The following DDX60 variants were observed in gnomAD, a reference collection of about 807,000 sequenced individuals.
The protein encoded by DDX60 is probable ATP-dependent RNA helicase DDX60.
DDX60 carries 165 observed loss-of-function variants against 212.8 expected under a neutral mutation model. That is an observed-to-expected ratio of 0.78 (90% CI 0.68 to 0.88). The LOEUF is 0.88. Among genes scored for constraint, DDX60 ranks in the 40% least tolerant of loss-of-function variants. The pLI is 0.00. For missense variants in DDX60, 1,905 were observed against 2,003.9 expected, an observed-to-expected ratio of 0.95 and a Z score of 0.94; for synonymous variants, 703 against 685.3, an observed-to-expected ratio of 1.03 and a Z score of -0.40.
chr4:168,220,968 C>A lies in DDX60; in HGVS notation c.4977-251G>T, dbSNP rs959493463. Among the ~76,000 whole-genome samples, 3 of 151,950 alleles carry A rather than the reference C, an allele frequency of 2.0e-5. No individual in the cohort carries two copies. The East Asian group carries it at 5.8e-4, about 29-fold the overall frequency. On this transcript the variant is annotated intron_variant, in intron 36 of 37. Coordinates refer to ENST00000393743, the MANE Select transcript of DDX60 (RefSeq NM_017631.6). Reference sequence around the variant, plus strand: ...GGAGGCTGGCCATCTCAGGAGATAACCAAAACAGGAAAATAAAGCTCAGGA... The same window carrying A: ...GGAGGCTGGCCATCTCAGGAGATAAACAAAACAGGAAAATAAAGCTCAGGA...
chr4:168,242,558 T>C (rs1733883500), intron 30 of DDX60, among the ~76,000 whole-genome samples: 1 of 152,234 alleles, frequency 6.6e-6, no homozygotes, highest in Non-Finnish European at 1.5e-5. Context: ...CACTGGATTT[T>C]GGACTTGCAT....
At chr4:168,291,971 T>C in intron 7 of DDX60, 65 bp from the exon 8 acceptor site, 1 of 1,211,436 alleles carries the variant, frequency 8.3e-7, no homozygotes, top group Non-Finnish European at 1.1e-6. Context: ...AATAAGCATC[T>C]AGGACCACAA....
upstream of DDX60, among the ~76,000 whole-genome samples, chr4:168,323,405 G>C (rs193203589): frequency 2.9e-4 from 44 of 152,310 alleles, no homozygotes; most frequent in Non-Finnish European, 2.2e-4. Flanking sequence ...GCATGTAGCA[G>C]TGGTGACACC....
chr4:168,283,569 T>C lies in DDX60; in HGVS notation c.1599A>G (p.Gln533=), dbSNP rs1305517940. ...SRDPRVLRSV[Q]KYHVFQRFYG... Reference sequence around the variant, plus strand: ...AAAACCGTTGGAAAACATGATACTTTTGCACAGATCTAAGAACACGAGGGT... The same window carrying C: ...AAAACCGTTGGAAAACATGATACTTCTGCACAGATCTAAGAACACGAGGGT... Residue 533 remains glutamine (Q), a synonymous_variant, in exon 13 of 38, where the codon CAA becomes CAG. Coordinates refer to ENST00000393743, the MANE Select transcript of DDX60 (RefSeq NM_017631.6). 6.2e-7 allele frequency: 1 copy of C among 1,613,324 alleles called. No homozygotes were observed. The highest frequency in any genetic ancestry group is 8.5e-7 in the Non-Finnish European group (1 of 1,179,598).
chr4:168,301,581 A>C (rs1736649092), intron 6 of DDX60, among the ~76,000 whole-genome samples: 1 of 143,036 alleles, frequency 7.0e-6, no homozygotes, highest in Non-Finnish European at 1.6e-5. Flanking sequence ...CCATACTGAC[A>C]TAAATAAACA....
At chr4:168,284,210 TC>T (rs1216532277) in intron 12 of DDX60, among the ~76,000 whole-genome samples, 1 of 152,150 alleles carries the variant, frequency 6.6e-6, no homozygotes, top group East Asian at 1.9e-4. Context: ...ATCTAAAGTA[TC>T]CCCCCACACC....
Position 168,293,960 on chromosome 4 carries a change from A to C in DDX60, c.724-15T>G, listed in dbSNP as rs1244961623. 6.2e-7 allele frequency: 1 copy of C among 1,601,038 alleles called. No homozygotes were observed. The highest frequency in any genetic ancestry group is 8.5e-7 in the Non-Finnish European group (1 of 1,176,378). ...GTCTTGTGTGCCTGTCAAAGAAAAA[A>C]ATTGTAATGTGTCATGCTATTTAGA... On this transcript the variant is annotated splice_polypyrimidine_tract_variant and intron_variant, in intron 6 of 37. Coordinates refer to ENST00000393743, the MANE Select transcript of DDX60 (RefSeq NM_017631.6).
At chr4:168,220,519 G>C (rs1026958156) in intron 37 of DDX60, 136 bp downstream of exon 37, 2 of 547,646 alleles carry the variant, frequency 3.7e-6, no homozygotes, top group Non-Finnish European at 6.5e-6. Context: ...AGAGCCTTTG[G>C]GGAGTTGAAA....
intron 27 of DDX60, among the ~76,000 whole-genome samples, chr4:168,251,479 C>CT (rs2149505267): frequency 6.6e-6 from 1 of 152,324 alleles, no homozygotes; most frequent in South Asian, 2.1e-4. Flanking sequence ...GAGGAGGTTC[C>CT]TTACCCTATG....
chr4:168,280,863 G>A (rs897403648), intron 13 of DDX60, among the ~76,000 whole-genome samples: 8 of 152,126 alleles, frequency 5.3e-5, no homozygotes, highest in African/African-American at 1.4e-4. Flanking sequence ...AATGTTGCTG[G>A]GCGTGGTGAA....
intron 30 of DDX60, among the ~76,000 whole-genome samples, chr4:168,239,375 AAGATAGATAGAT>A (rs60160375): frequency 0.022 from 3,228 of 148,870 alleles, 79 homozygotes; most frequent in African/African-American, 0.06. Context: ...TGATAGAAGG[AAGATAGATAGAT>A]AGATAGATAG....
upstream of DDX60, among the ~76,000 whole-genome samples, chr4:168,322,459 T>C (rs1470449716): frequency 6.6e-6 from 1 of 152,202 alleles, no homozygotes; most frequent in Non-Finnish European, 1.5e-5. Flanking sequence ...ATCTGGATTA[T>C]TGAAACAACC....
At chr4:168,268,079 A>G in intron 20 of DDX60, 96 bp from the exon 21 acceptor site, 1 of 1,100,842 alleles carries the variant, frequency 9.1e-7, no homozygotes, top group Non-Finnish European at 1.3e-6. Flanking sequence ...TCTTCCTTAT[A>G]AAGTGTACTT....
chr4:168,277,652 A>G (rs892179520), intron 14 of DDX60, among the ~76,000 whole-genome samples: 6 of 151,830 alleles, frequency 4.0e-5, no homozygotes, highest in African/African-American at 1.2e-4. Context: ...CCTGGCTAAC[A>G]TGGTGAATTA....
intron 3 of DDX60, among the ~76,000 whole-genome samples, chr4:168,309,465 G>T (rs761359309): frequency 2.0e-5 from 3 of 149,556 alleles, no homozygotes; most frequent in Non-Finnish European, 3.0e-5. Context: ...TGAAGGCATT[G>T]TTGCAGCAGT....
intron 4 of DDX60, among the ~76,000 whole-genome samples, chr4:168,307,597 C>G (rs1304382528): frequency 1.3e-5 from 2 of 152,104 alleles, no homozygotes; most frequent in Non-Finnish European, 2.9e-5. Flanking sequence ...GCATGCACCA[C>G]CGTGCCCAGC....
At chr4:168,299,682 T>C (rs987701482) in intron 6 of DDX60, among the ~76,000 whole-genome samples, 1 of 152,054 alleles carries the variant, frequency 6.6e-6, no homozygotes, top group African/African-American at 2.4e-5. Context: ...TCTATGCAAA[T>C]AGACTTGAAA....
chr4:168,255,873 G>A lies in DDX60; in HGVS notation c.3399-4C>T. ...TTCTACAGCTCCTAACTTGAATCTG[G>A]AAATAAAAAGAATGTGCGCCTTGAA... On this transcript the variant is annotated splice_region_variant and splice_polypyrimidine_tract_variant and intron_variant, in intron 25 of 37. Transcript: ENST00000393743. 1 of 1,568,334 alleles carries A rather than the reference G, an allele frequency of 6.4e-7. No homozygotes were observed. Among genetic ancestry groups the A allele is most frequent in the African/African-American group, 1.4e-5 (1 of 71,856 alleles).
At chr4:168,285,522 G>C in intron 10 of DDX60, 24 bp from the exon 11 acceptor site, 2 of 1,448,746 alleles carry the variant, frequency 1.4e-6, no homozygotes, top group East Asian at 4.6e-5. Flanking sequence ...AAAAAAAATT[G>C]AGACAAGGTC....
Sources: allele counts gnomAD v4.1 joint callset (sites outside exome capture counted in the v4.1 genomes callset), GRCh38; gene constraint gnomAD v4.1.1; transcripts MANE v1.5; gene names NCBI Gene and HGNC (gene_info 2026-07-23, HGNC 2026-07-21).